Variants in CASK observed in about 807,000 individuals in gnomAD.
CASK encodes peripheral plasma membrane protein CASK.
Under a neutral mutation model 82.9 loss-of-function variants are expected in CASK, and 4 were observed. The observed-to-expected ratio is 0.05, with a 90% CI of 0.02 to 0.11. The LOEUF is 0.11. Ranked by LOEUF, CASK falls within the 10% of genes least tolerant of loss-of-function variation. The pLI is 1.00. For synonymous variants in CASK, 259 were observed against 253.5 expected, an observed-to-expected ratio of 1.02 and a Z score of -0.20; for missense variants, 358 against 720.9, an observed-to-expected ratio of 0.50 and a Z score of 5.76.
At chrX:41,589,444 CA>C (rs1291959634) in intron 13 of CASK, 70 bp downstream of exon 13, 44 of 725,865 alleles carry the variant, frequency 6.1e-5, no homozygotes, top group Non-Finnish European at 8.4e-5. Flanking sequence ...TCTTAATGTG[CA>C]ACAGAAATGT....
chrX:41,851,299 T>C (rs2071261806), intron 2 of CASK, among the ~76,000 whole-genome samples: 1 of 112,048 alleles, frequency 8.9e-6, no homozygotes, highest in Non-Finnish European at 1.9e-5. Context: ...CTTGAAGACA[T>C]TTATATAGCC....
intron 2 of CASK, among the ~76,000 whole-genome samples, chrX:41,796,444 A>T (rs946468394): frequency 2.6e-4 from 29 of 112,510 alleles, no homozygotes; most frequent in African/African-American, 8.4e-4. Flanking sequence ...AGCAATGTGA[A>T]CATCTATTAG....
intron 1 of CASK, among the ~76,000 whole-genome samples, chrX:41,897,044 T>A (rs1243774464): frequency 8.9e-6 from 1 of 112,020 alleles, no homozygotes; most frequent in African/African-American, 3.2e-5. Context: ...TTTTGATATA[T>A]AATTTTAAGT....
At chrX:41,791,317 C>T (rs111415295) in intron 2 of CASK, among the ~76,000 whole-genome samples, 428 of 109,680 alleles carry the variant, frequency 3.9e-3, no homozygotes, top group African/African-American at 0.013. Context: ...CCACCCTTCC[C>T]CCAAAGTCCA....
intron 1 of CASK, among the ~76,000 whole-genome samples, chrX:41,892,685 T>G (rs1259264520): frequency 2.7e-5 from 3 of 111,953 alleles, no homozygotes; most frequent in Non-Finnish European, 1.9e-5. Context: ...TGGCAACCTA[T>G]GTCAAGAGGT....
intron 1 of CASK, among the ~76,000 whole-genome samples, chrX:41,916,071 G>C (rs2072679289): frequency 9.0e-6 from 1 of 110,535 alleles, no homozygotes; most frequent in Non-Finnish European, 1.9e-5. Context: ...CAGCTTGTTG[G>C]GAGGCTGAGG....
At chrX:41,856,345 T>C (rs753177092) in intron 1 of CASK, among the ~76,000 whole-genome samples, 1 of 111,394 alleles carries the variant, frequency 9.0e-6, no homozygotes, top group Non-Finnish European at 1.9e-5. Flanking sequence ...TGGAGAGTGG[T>C]AATTGACTTG....
intron 17 of CASK, among the ~76,000 whole-genome samples, chrX:41,560,352 C>T (rs1569305913): frequency 9.1e-6 from 1 of 109,715 alleles, no homozygotes; most frequent in Non-Finnish European, 1.9e-5. Context: ...CAAACTCTGC[C>T]TTCCAGGTTC....
chrX:41,761,957 G>A (rs2069006217), intron 3 of CASK, among the ~76,000 whole-genome samples: 1 of 112,010 alleles, frequency 8.9e-6, no homozygotes, highest in African/African-American at 3.2e-5. Flanking sequence ...TGAAATGCAG[G>A]TACTTTAATA....
At chrX:41,856,546 G>A (rs755823913) in intron 1 of CASK, among the ~76,000 whole-genome samples, 11 of 111,192 alleles carry the variant, frequency 9.9e-5, no homozygotes, top group African/African-American at 3.3e-4. Context: ...AGAGCCCTAG[G>A]TGGTCTCCTG....
intron 21 of CASK, 52 bp from the exon 22 acceptor site, chrX:41,542,858 G>T: frequency 1.3e-6 from 1 of 753,431 alleles, no homozygotes; most frequent in Non-Finnish European, 2.0e-6. Context: ...AATTCTGGTT[G>T]ATAAAATAGA....
chrX:41,583,288 T>A (rs1379851702), intron 14 of CASK, among the ~76,000 whole-genome samples: 1 of 111,537 alleles, frequency 9.0e-6, no homozygotes, highest in East Asian at 2.8e-4. Flanking sequence ...ATGATTTTGA[T>A]GAAAAAAAAG....
At chrX:41,557,191 C>T (rs2065169620) in intron 18 of CASK, 91 bp from the exon 19 acceptor site, 11 of 746,851 alleles carry the variant, frequency 1.5e-5, no homozygotes, top group Non-Finnish European at 1.9e-5. Flanking sequence ...AGTCTGACAA[C>T]CATTTCCTTT....
chrX:41,662,309 T>A (rs2067046825), intron 7 of CASK, among the ~76,000 whole-genome samples: 1 of 111,427 alleles, frequency 9.0e-6, no homozygotes, highest in East Asian at 2.8e-4. Flanking sequence ...AGAAGTTAAT[T>A]GAGGTTAAGT....
chrX:41,776,175 C>T (rs1162914833), intron 3 of CASK, among the ~76,000 whole-genome samples: 1 of 112,104 alleles, frequency 8.9e-6, no homozygotes, highest in Non-Finnish European at 1.9e-5. Context: ...TATATGACTG[C>T]TAGCACAGGC....
At chrX:41,612,354 G>A (rs1299630280) in intron 11 of CASK, among the ~76,000 whole-genome samples, 1 of 100,106 alleles carries the variant, frequency 1.0e-5, no homozygotes, top group Non-Finnish European at 2.0e-5. Context: ...CAGCCGCCCC[G>A]TCTGAGAAGT....
intron 12 of CASK, among the ~76,000 whole-genome samples, chrX:41,609,422 G>A (rs1030334206): frequency 9.1e-6 from 1 of 110,279 alleles, no homozygotes; most frequent in Admixed American, 9.6e-5. Context: ...GCCATATACT[G>A]TATTTCAATC....
At chrX:41,797,067 G>T (rs2069869771) in intron 2 of CASK, among the ~76,000 whole-genome samples, 2 of 111,056 alleles carry the variant, frequency 1.8e-5, no homozygotes, top group African/African-American at 6.5e-5. Context: ...AACTTAACTA[G>T]GGTTCACAGA....
At chrX:41,907,914 G>A (rs1037949000) in intron 1 of CASK, among the ~76,000 whole-genome samples, 2 of 111,677 alleles carry the variant, frequency 1.8e-5, no homozygotes, top group African/African-American at 3.3e-5. Flanking sequence ...TAGTTCCCGC[G>A]CATGTGCAGT....
Sources: gnomAD v4.1 joint callset for allele counts (sites outside exome capture counted in the v4.1 genomes callset) on GRCh38, gnomAD v4.1.1 for gene constraint, MANE v1.5 for transcripts, NCBI Gene and HGNC (gene_info 2026-07-23, HGNC 2026-07-21) for gene names.